The following DPP10 variants were observed in gnomAD, a reference collection of about 807,000 sequenced individuals.
DPP10 encodes inactive dipeptidyl peptidase 10.
DPP10 carries 33 observed loss-of-function variants against 120.9 expected under a neutral mutation model. That is an observed-to-expected ratio of 0.27 (90% CI 0.21 to 0.37). The LOEUF is 0.37. Ranked by LOEUF, DPP10 falls within the 10% of genes least tolerant of loss-of-function variation. The probability of loss-of-function intolerance (pLI) is 1.00; values close to 1 mark genes in which losing one functional copy is unlikely to be tolerated. For missense variants in DPP10, 816 were observed against 942.8 expected (o/e 0.87, Z 1.76); for synonymous variants, 337 against 326.1 (o/e 1.03, Z -0.36).
chr2:114,713,728 T>C (rs924446959), intron 1 of DPP10, among the ~76,000 whole-genome samples: 1 of 152,118 alleles, frequency 6.6e-6, no homozygotes, highest in Non-Finnish European at 1.5e-5. Context: ...CAGTGGCTCA[T>C]GCCTGTAATC....
intron 1 of DPP10, among the ~76,000 whole-genome samples, chr2:114,581,213 CT>C (rs1426272594): frequency 1.8e-5 from 2 of 111,970 alleles, no homozygotes. Flanking sequence ...GACAGTCTCT[CT>C]CTGTCGCCCA....
intron 1 of DPP10, among the ~76,000 whole-genome samples, chr2:115,242,974 T>G (rs900650512): frequency 6.6e-6 from 1 of 152,220 alleles, no homozygotes; most frequent in African/African-American, 2.4e-5. Context: ...TTGGTGATAC[T>G]TCTATCACTC....
intron 5 of DPP10, among the ~76,000 whole-genome samples, chr2:115,549,945 C>T (rs972257070): frequency 1.3e-5 from 2 of 152,090 alleles, no homozygotes; most frequent in Non-Finnish European, 2.9e-5. Flanking sequence ...CCCTTTTTCC[C>T]ACATCACACA....
intron 8 of DPP10, among the ~76,000 whole-genome samples, chr2:115,736,250 G>T (rs13011631): frequency 0.3 from 45,534 of 151,912 alleles, 7,100 homozygotes; most frequent in Middle Eastern, 0.44. Flanking sequence ...ACCCCTTAGT[G>T]CCTAGATCTG....
chr2:114,755,054 A>G (rs1381099535), intron 1 of DPP10, among the ~76,000 whole-genome samples: 1 of 152,200 alleles, frequency 6.6e-6, no homozygotes, highest in Non-Finnish European at 1.5e-5. Context: ...ATTTGAGTTG[A>G]GTAAGATCAT....
intron 1 of DPP10, among the ~76,000 whole-genome samples, chr2:114,709,110 A>G (rs1351303259): frequency 6.6e-6 from 1 of 152,136 alleles, no homozygotes; most frequent in African/African-American, 2.4e-5. Context: ...TGGCCCTTCA[A>G]GCCAAGCCAA....
chr2:115,108,636 A>G (rs2049064332), intron 1 of DPP10, among the ~76,000 whole-genome samples: 1 of 152,196 alleles, frequency 6.6e-6, no homozygotes. Context: ...GATTTTCTAT[A>G]ACCAAAGTCT....
At chr2:114,641,566 G>A (rs1695708216) in intron 1 of DPP10, among the ~76,000 whole-genome samples, 1 of 151,926 alleles carries the variant, frequency 6.6e-6, no homozygotes, top group East Asian at 1.9e-4. Context: ...TCACAGTCTT[G>A]CTTTCTAACT....
chr2:114,694,148 G>A (rs1430381868), intron 1 of DPP10, among the ~76,000 whole-genome samples: 11 of 151,752 alleles, frequency 7.2e-5, no homozygotes, highest in South Asian at 2.1e-4. Flanking sequence ...ACCTTTCTTT[G>A]AACTTATTTT....
chr2:114,812,669 G>A (rs1220083065), intron 1 of DPP10, among the ~76,000 whole-genome samples: 1 of 150,736 alleles, frequency 6.6e-6, no homozygotes. Context: ...TCTCACCTCT[G>A]TATCTCTACA....
At chr2:115,316,590 G>T (rs1287747347) in intron 2 of DPP10, among the ~76,000 whole-genome samples, 1 of 151,850 alleles carries the variant, frequency 6.6e-6, no homozygotes, top group Non-Finnish European at 1.5e-5. Flanking sequence ...TTTTATTTCT[G>T]GTTTCATAAT....
intron 19 of DPP10, among the ~76,000 whole-genome samples, chr2:115,811,137 C>A (rs1400584091): frequency 6.6e-6 from 1 of 152,120 alleles, no homozygotes; most frequent in Non-Finnish European, 1.5e-5. Context: ...CCTTATAATG[C>A]CAATGATTAG....
rs560265546 is a variant in DPP10, at chr2:114,541,025, T to G, written c.60+98187T>G. 4.6e-5 allele frequency among the ~76,000 whole-genome samples: 7 copies of G among 152,322 alleles called. No homozygotes were observed. The East Asian group carries it at 1.3e-3, about 29-fold the overall frequency. On this transcript the variant is annotated intron_variant, in intron 1 of 25. Transcript: ENST00000410059. ...AAATACCTTGTTTCCTCTCCATCTTTAAGAGACAAATAGATATATCTTTCA... is the reference window on the plus strand; with the variant it reads ...AAATACCTTGTTTCCTCTCCATCTTGAAGAGACAAATAGATATATCTTTCA...
intron 3 of DPP10, among the ~76,000 whole-genome samples, chr2:115,441,292 G>A (rs1311894136): frequency 6.6e-6 from 1 of 152,172 alleles, no homozygotes; most frequent in Non-Finnish European, 1.5e-5. Flanking sequence ...CCCGAGTTGG[G>A]ATTAACCTAG....
chr2:115,075,624 C>G (rs901667146), intron 1 of DPP10, among the ~76,000 whole-genome samples: 1 of 151,662 alleles, frequency 6.6e-6, no homozygotes, highest in African/African-American at 2.4e-5. Context: ...TCTTGAATCT[C>G]TGATAGCAGT....
intron 1 of DPP10, among the ~76,000 whole-genome samples, chr2:114,493,783 TG>T (rs1682217857): frequency 6.6e-6 from 1 of 152,124 alleles, no homozygotes; most frequent in African/African-American, 2.4e-5. Context: ...AAGATTGTTC[TG>T]CAAGAGAAAA....
chr2:115,799,920 C>T (rs1015942999), intron 19 of DPP10, among the ~76,000 whole-genome samples: 5 of 151,994 alleles, frequency 3.3e-5, no homozygotes, highest in African/African-American at 1.2e-4. Flanking sequence ...TTTATAGCAG[C>T]ATGATTTATA....
At chr2:114,939,753 T>C (rs960205892) in intron 1 of DPP10, among the ~76,000 whole-genome samples, 1 of 152,166 alleles carries the variant, frequency 6.6e-6, no homozygotes, top group Non-Finnish European at 1.5e-5. Context: ...TTTGGATAAT[T>C]TCTGTGATTT....
chr2:114,505,692 T>A (rs1683591771), intron 1 of DPP10, among the ~76,000 whole-genome samples: 1 of 152,162 alleles, frequency 6.6e-6, no homozygotes, highest in Admixed American at 6.5e-5. Flanking sequence ...GGGACACAGT[T>A]GTGAAGTCAC....
Sources: allele counts gnomAD v4.1 joint callset (sites outside exome capture counted in the v4.1 genomes callset), GRCh38; gene constraint gnomAD v4.1.1; transcripts MANE v1.5; gene names NCBI Gene and HGNC (gene_info 2026-07-23, HGNC 2026-07-21).